CADM2: variants seen among roughly 807,000 people sequenced by gnomAD.
CADM2 encodes cell adhesion molecule 2.
In CADM2, 12 loss-of-function variants were observed where a neutral mutation model predicts 49.8. The observed-to-expected ratio is 0.24, with a 90% CI of 0.15 to 0.39. The LOEUF is 0.39. Among genes scored for constraint, CADM2 ranks in the 10% least tolerant of loss-of-function variants. The pLI is 1.00. For synonymous variants in CADM2, 214 were observed against 175.4 expected (o/e 1.22, Z -1.74); for missense variants, 378 against 492.3 (o/e 0.77, Z 2.20).
At chr3:85,056,583 A>G (rs1254751557) in intron 1 of CADM2, among the ~76,000 whole-genome samples, 1 of 152,078 alleles carries the variant, frequency 6.6e-6, no homozygotes, top group Non-Finnish European at 1.5e-5. Flanking sequence ...CAGAATTTCA[A>G]TCCCTGCAAT....
At chr3:85,819,776 G>A (rs940011886) in intron 3 of CADM2, among the ~76,000 whole-genome samples, 1 of 151,944 alleles carries the variant, frequency 6.6e-6, no homozygotes, top group East Asian at 1.9e-4. Context: ...ACTGCTTTTT[G>A]CAGTTTTTCT....
At chr3:85,979,205 C>T in intron 8 of CADM2, 1 of 1,611,040 alleles carries the variant, frequency 6.2e-7, no homozygotes, top group Non-Finnish European at 8.5e-7. Context: ...CATCCCCTCC[C>T]TTACCACTGC....
chr3:85,870,557 C>T (rs1335309346), intron 3 of CADM2, among the ~76,000 whole-genome samples: 1 of 152,128 alleles, frequency 6.6e-6, no homozygotes, highest in Non-Finnish European at 1.5e-5. Flanking sequence ...TCAACTCCAT[C>T]CATGATCCTG....
At chr3:85,074,292 C>A (rs2036862441) in intron 1 of CADM2, among the ~76,000 whole-genome samples, 1 of 152,080 alleles carries the variant, frequency 6.6e-6, no homozygotes. Flanking sequence ...CCCACAACTC[C>A]TTCAAATCTT....
chr3:85,443,336 T>A (rs2037297272), intron 1 of CADM2, among the ~76,000 whole-genome samples: 1 of 152,148 alleles, frequency 6.6e-6, no homozygotes, highest in South Asian at 2.1e-4. Context: ...GGAGACAATA[T>A]ATACTCATAC....
At chr3:85,649,132 G>A (rs2064973526) in intron 1 of CADM2, among the ~76,000 whole-genome samples, 2 of 152,018 alleles carry the variant, frequency 1.3e-5, no homozygotes, top group South Asian at 2.1e-4. Context: ...AAAACAGGAT[G>A]ATGAATACTT....
At chr3:85,165,280 G>T (rs1056150996) in intron 1 of CADM2, among the ~76,000 whole-genome samples, 25 of 151,780 alleles carry the variant, frequency 1.6e-4, no homozygotes, top group Admixed American at 1.6e-3. Context: ...TATTACTTCC[G>T]CAAAGCTTAG....
chr3:85,989,990 C>T (rs552743448), intron 8 of CADM2, among the ~76,000 whole-genome samples: 3 of 81,090 alleles, frequency 3.7e-5, no homozygotes, highest in Non-Finnish European at 4.6e-5. Flanking sequence ...CCAGCCTGGG[C>T]GACAAGAGAG....
intron 1 of CADM2, among the ~76,000 whole-genome samples, chr3:84,982,719 A>ATATATATATATC (rs2032265908): frequency 7.3e-6 from 1 of 137,836 alleles, no homozygotes; most frequent in Non-Finnish European, 1.6e-5. Context: ...ATATATATAT[A>ATATATATATATC]TATATATATA....
rs1484613346 is a variant in CADM2, at chr3:85,173,010, T to C, written c.61+213342T>C. Among the ~76,000 whole-genome samples, 5 of 147,686 alleles carry C rather than the reference T, an allele frequency of 3.4e-5. No homozygotes were observed. In the South Asian group the frequency reaches 8.5e-4, roughly 25 times the overall value. ...AATATCTAATACCTTTTTTTTTTTTTCTGAGATGGAGTCTTGCTCTGTCGC... is the reference window on the plus strand; with the variant it reads ...AATATCTAATACCTTTTTTTTTTTTCCTGAGATGGAGTCTTGCTCTGTCGC... On this transcript the variant is annotated intron_variant, in intron 1 of 9. Transcript: ENST00000383699.
At chr3:85,350,435 C>T (rs572635255) in intron 1 of CADM2, among the ~76,000 whole-genome samples, 1 of 152,106 alleles carries the variant, frequency 6.6e-6, no homozygotes, top group Non-Finnish European at 1.5e-5. Flanking sequence ...TAGTTTACCT[C>T]CAAGCCCTGT....
At chr3:85,544,069 T>A (rs2061608237) in intron 1 of CADM2, among the ~76,000 whole-genome samples, 2 of 152,058 alleles carry the variant, frequency 1.3e-5, no homozygotes, top group Non-Finnish European at 2.9e-5. Context: ...AGAGAAAAAA[T>A]TAAATGATTA....
intron 1 of CADM2, among the ~76,000 whole-genome samples, chr3:85,621,292 G>A (rs1051636585): frequency 6.6e-6 from 1 of 152,022 alleles, no homozygotes; most frequent in Non-Finnish European, 1.5e-5. Flanking sequence ...ATAAACCAGT[G>A]TATAGAAGCT....
intron 1 of CADM2, among the ~76,000 whole-genome samples, chr3:85,264,939 T>C (rs1174376887): frequency 6.6e-6 from 1 of 152,034 alleles, no homozygotes; most frequent in Non-Finnish European, 1.5e-5. Flanking sequence ...TAGAATATAA[T>C]AAATCCTGAC....
intron 1 of CADM2, among the ~76,000 whole-genome samples, chr3:85,165,538 T>A (rs2040450147): frequency 1.3e-5 from 2 of 152,014 alleles, no homozygotes; most frequent in African/African-American, 4.8e-5. Context: ...ACATTTTTAA[T>A]ATGTGTTTTT....
chr3:85,809,336 A>G (rs2072661902), intron 3 of CADM2, among the ~76,000 whole-genome samples: 1 of 152,154 alleles, frequency 6.6e-6, no homozygotes, highest in Admixed American at 6.5e-5. Flanking sequence ...CACACCTGTA[A>G]TCCCAGCACT....
chr3:85,775,005 T>C (rs957905682), intron 2 of CADM2, among the ~76,000 whole-genome samples: 15 of 151,676 alleles, frequency 9.9e-5, no homozygotes, highest in Non-Finnish European at 1.8e-4. Flanking sequence ...TGTACTTACA[T>C]ATGCACACAC....
rs375287633 is a variant in CADM2, at chr3:85,380,668, C to T, written c.62-345854C>T. On this transcript the variant is annotated intron_variant, in intron 1 of 9. Transcript: ENST00000383699. The stretch of plus-strand genomic sequence containing the variant: ...ATTAAATGACAAAAACCCAGGTAAA[C>T]CGTAACATGTTCATATTTTAATACC... Among the ~76,000 whole-genome samples the T allele has an allele frequency of 2.6e-5, 4 of 151,850 alleles. No homozygotes were observed. The East Asian group carries it at 7.7e-4, about 29-fold the overall frequency.
chr3:85,546,249 C>T (rs2061668404), intron 1 of CADM2, among the ~76,000 whole-genome samples: 1 of 152,116 alleles, frequency 6.6e-6, no homozygotes, highest in Non-Finnish European at 1.5e-5. Context: ...AATCTTGAGA[C>T]CTCTTTCATT....
Sources: gnomAD v4.1 joint callset for allele counts (sites outside exome capture counted in the v4.1 genomes callset) on GRCh38, gnomAD v4.1.1 for gene constraint, MANE v1.5 for transcripts, NCBI Gene and HGNC (gene_info 2026-07-23, HGNC 2026-07-21) for gene names.